CCDC192: variants seen among roughly 807,000 people sequenced by gnomAD.
CCDC192 encodes coiled-coil domain containing 192.
At chr5:127,826,529 T>C (rs1009304482) in intron 5 of CCDC192, among the ~76,000 whole-genome samples, 7 of 151,224 alleles carry the variant, frequency 4.6e-5, no homozygotes, top group African/African-American at 1.7e-4. Context: ...AATCAACCCA[T>C]CAACAGTGGA....
At chr5:127,918,921 A>G (rs13153745) in intron 6 of CCDC192, among the ~76,000 whole-genome samples, 6 of 150,532 alleles carry the variant, frequency 4.0e-5, no homozygotes, top group African/African-American at 1.5e-4. Flanking sequence ...ATATGTGTGT[A>G]TATGTGTGTC....
intron 6 of CCDC192, among the ~76,000 whole-genome samples, chr5:127,899,368 C>G (rs1752979902): frequency 6.6e-6 from 1 of 152,140 alleles, no homozygotes; most frequent in Non-Finnish European, 1.5e-5. Flanking sequence ...GTTGACCAAG[C>G]TCCTCATCAG....
rs116255438 is a variant in CCDC192 at position 127,782,136 on chromosome 5, G to C, written c.223-14967G>C. Among the ~76,000 whole-genome samples, 1,486 of 152,194 alleles carry C rather than the reference G, an allele frequency of 9.8e-3. 10 individuals carry two copies. The highest frequency in any genetic ancestry group is 0.014 in the Middle Eastern group (4 of 294). On this transcript the variant is annotated intron_variant, in intron 3 of 6. Transcript: ENST00000514853. ...TGTGGTGCATCACATTTACTGATTT[G>C]CATATGTTAAATCATCCCTGGTATG...
intron 6 of CCDC192, among the ~76,000 whole-genome samples, chr5:127,911,699 CTT>C (rs10718531): frequency 0.038 from 4,452 of 117,296 alleles, 257 homozygotes; most frequent in African/African-American, 0.13. Context: ...CCTTATACCA[CTT>C]TTTTTTTTTT....
intron 5 of CCDC192, among the ~76,000 whole-genome samples, chr5:127,855,927 A>G (rs1374363783): frequency 2.0e-5 from 3 of 152,264 alleles, no homozygotes; most frequent in Non-Finnish European, 4.4e-5. Flanking sequence ...TTTATAGAGC[A>G]CAGGCAGAGT....
intron 5 of CCDC192, among the ~76,000 whole-genome samples, chr5:127,834,918 A>G (rs1384010980): frequency 6.6e-6 from 1 of 152,230 alleles, no homozygotes; most frequent in Non-Finnish European, 1.5e-5. Flanking sequence ...TTCTTTTACA[A>G]AGCAGAGAAA....
intron 3 of CCDC192, among the ~76,000 whole-genome samples, chr5:127,772,750 A>G (rs375273905): frequency 1.5e-4 from 23 of 152,326 alleles, no homozygotes; most frequent in Middle Eastern, 3.4e-3. Flanking sequence ...ATTTAGTTCA[A>G]TCATGATTCA....
At chr5:127,834,459 A>G (rs1013927379) in intron 5 of CCDC192, among the ~76,000 whole-genome samples, 1 of 152,210 alleles carries the variant, frequency 6.6e-6, no homozygotes, top group Admixed American at 6.5e-5. Flanking sequence ...AGTCTAATTT[A>G]TAGGGCCCCA....
chr5:127,813,657 T>A (rs1202766585), intron 5 of CCDC192, among the ~76,000 whole-genome samples: 1 of 152,180 alleles, frequency 6.6e-6, no homozygotes, highest in Non-Finnish European at 1.5e-5. Context: ...AGTCTCAGAA[T>A]CTGTAACAAT....
At chr5:127,822,245 G>C (rs1749325579) in intron 5 of CCDC192, among the ~76,000 whole-genome samples, 3 of 152,198 alleles carry the variant, frequency 2.0e-5, no homozygotes, top group Admixed American at 1.3e-4. Flanking sequence ...CTTTCAGGCT[G>C]TGTCCTCTGA....
chr5:127,932,424 G>A (rs942654138), intron 6 of CCDC192, among the ~76,000 whole-genome samples: 3 of 151,730 alleles, frequency 2.0e-5, no homozygotes, highest in Admixed American at 6.6e-5. Context: ...GGCTGGTCTC[G>A]AACTCCCAAC....
intron 5 of CCDC192, among the ~76,000 whole-genome samples, chr5:127,828,050 G>T (rs541880599): frequency 2.6e-5 from 4 of 152,256 alleles, no homozygotes; most frequent in Middle Eastern, 3.4e-3. Context: ...GGGATTACAG[G>T]CACCTGCCAC....
chr5:127,888,923 A>G (rs762723505), intron 6 of CCDC192, among the ~76,000 whole-genome samples: 4 of 152,260 alleles, frequency 2.6e-5, no homozygotes, highest in Non-Finnish European at 5.9e-5. Context: ...GAGAGAGTCA[A>G]TAATTGAATT....
intron 5 of CCDC192, among the ~76,000 whole-genome samples, chr5:127,810,945 C>T (rs1420121614): frequency 6.6e-6 from 1 of 152,186 alleles, no homozygotes; most frequent in Admixed American, 6.5e-5. Flanking sequence ...TTCCTTCCCT[C>T]TGCTCCATGT....
At chr5:127,751,179 C>T (rs1425597639) in intron 2 of CCDC192, among the ~76,000 whole-genome samples, 1 of 150,238 alleles carries the variant, frequency 6.7e-6, no homozygotes, top group African/African-American at 2.5e-5. Flanking sequence ...GGTTATTTTG[C>T]TCGTTAGTTG....
At chr5:127,873,405 T>G (rs1263877021) in intron 5 of CCDC192, among the ~76,000 whole-genome samples, 3 of 152,210 alleles carry the variant, frequency 2.0e-5, no homozygotes, top group African/African-American at 7.2e-5. Context: ...AATTATATAG[T>G]AAACACCCAT....
At position 127,775,746 on chromosome 5, in the gene CCDC192, G is replaced by C. The variant is rs1037940435; in HGVS notation, c.223-21357G>C. On this transcript the variant is annotated intron_variant, in intron 3 of 6. Transcript: ENST00000514853. ...TCCCACATGTTGTGGGAGGGACCTG[G>C]TGGGAGATAATTGAATTATGAGGGC... Among the ~76,000 whole-genome samples, 4 of 152,198 alleles carry C rather than the reference G, an allele frequency of 2.6e-5. No individual in the cohort carries two copies. The South Asian group carries it at 8.3e-4, about 32-fold the overall frequency.
At chr5:127,736,384 A>C (rs1752991553) in intron 2 of CCDC192, among the ~76,000 whole-genome samples, 1 of 150,604 alleles carries the variant, frequency 6.6e-6, no homozygotes, top group South Asian at 2.1e-4. Flanking sequence ...ATTGGTCTAA[A>C]ATTCTCTTTT....
chr5:127,856,714 G>A (rs1210888705), intron 5 of CCDC192, among the ~76,000 whole-genome samples: 1 of 152,192 alleles, frequency 6.6e-6, no homozygotes, highest in East Asian at 1.9e-4. Context: ...CAGTATTCTT[G>A]TGTCTCAGGG....
Sources: gnomAD v4.1 joint callset for allele counts (sites outside exome capture counted in the v4.1 genomes callset) on GRCh38, gnomAD v4.1.1 for gene constraint, MANE v1.5 for transcripts, NCBI Gene and HGNC (gene_info 2026-07-23, HGNC 2026-07-21) for gene names.